The following PDE8B variants were observed in gnomAD, a reference collection of about 807,000 sequenced individuals.
The protein encoded by PDE8B is high affinity cAMP-specific and IBMX-insensitive 3',5'-cyclic phosphodiesterase 8B.
PDE8B carries 26 observed loss-of-function variants against 101.3 expected under a neutral mutation model. The ratio of observed to expected loss-of-function variants is 0.26; its 90% CI spans 0.19 to 0.36. The LOEUF (loss-of-function observed/expected upper bound fraction) is 0.36. Ranked by LOEUF, PDE8B falls within the 10% of genes least tolerant of loss-of-function variation. PDE8B has a pLI of 1.00. For synonymous variants in PDE8B, 424 were observed against 429.3 expected, an observed-to-expected ratio of 0.99 and a Z score of 0.15; for missense variants, 810 against 1,163.1, an observed-to-expected ratio of 0.70 and a Z score of 4.42.
intron 10 of PDE8B, among the ~76,000 whole-genome samples, chr5:77,398,979 G>A (rs74634764): frequency 1.3e-5 from 2 of 152,152 alleles, no homozygotes; most frequent in Admixed American, 6.5e-5. Context: ...GATGAATCCC[G>A]TTCCTCGGAA....
rs550614387 is a variant in PDE8B at position 77,407,714 on chromosome 5, A to G, written c.1365+257A>G. Among the ~76,000 whole-genome samples, 5 of 152,314 alleles carry G rather than the reference A, an allele frequency of 3.3e-5. No homozygotes were observed. The East Asian group carries it at 7.7e-4, about 24-fold the overall frequency. ...AGAGAGGGTGGTCAGGGAAACTCTC[A>G]GTCATGTTTGAAGCAAGTCTTGAAG... is the stretch of plus-strand genomic sequence containing the variant. On this transcript the variant is annotated intron_variant, in intron 13 of 21. Transcript: ENST00000264917.
chr5:77,150,106 G>A, the PDE8B span, among the ~76,000 whole-genome samples: 1 of 152,276 alleles, frequency 6.6e-6, no homozygotes. Flanking sequence ...TAGCTGTGGT[G>A]AACTTTGCCT....
chr5:77,323,357 C>G (rs1775437903), intron 2 of PDE8B, among the ~76,000 whole-genome samples: 1 of 152,038 alleles, frequency 6.6e-6, no homozygotes, highest in Admixed American at 6.6e-5. Context: ...CCAGGGTGCT[C>G]CTAACAAATG....
Position 77,301,921 on chromosome 5 carries a change from C to T in PDE8B, c.340-10073C>T, listed in dbSNP as rs1770038753. 2.0e-5 allele frequency among the ~76,000 whole-genome samples: 3 copies of T among 152,260 alleles called. No homozygotes were observed. In the East Asian group the frequency reaches 5.8e-4, roughly 29 times the overall value. On this transcript the variant is annotated intron_variant, in intron 1 of 21. Transcript: ENST00000264917. ...TGTTTTGTTTTGTTTTGTTTTCCTC[C>T]TCTGAAGTTAAATCTCTCTAAGGCT...
At chr5:77,115,736 A>G in the PDE8B span, among the ~76,000 whole-genome samples, 1 of 152,244 alleles carries the variant, frequency 6.6e-6, no homozygotes, top group Non-Finnish European at 1.5e-5. Context: ...AGTGACAGCC[A>G]CGAGTCGGCC....
intron 10 of PDE8B, among the ~76,000 whole-genome samples, chr5:77,361,515 A>AC (rs1484926212): frequency 4.2e-5 from 6 of 141,970 alleles, no homozygotes; most frequent in Admixed American, 1.5e-4. Context: ...CTTTCATCTT[A>AC]CTTTTTTTTT....
Position 77,210,687 on chromosome 5 carries a change from C to T in PDE8B, c.-239C>T. 1.0e-6 allele frequency: 1 copy of T among 980,146 alleles called. No individual in the cohort carries two copies. The highest frequency in any genetic ancestry group is 1.2e-6 in the Non-Finnish European group (1 of 827,466). 60.7% of individuals were successfully genotyped at this position (980,146 alleles called of 1,614,324 possible). A position where few individuals can be genotyped will look rare whatever the true frequency, so the allele number is the denominator to read the frequency against. Reference sequence around the variant, plus strand: ...TGGTGCGCGCGGGGCGCTGTGTATGCGCGCTCCCCCGCTCGGGGAGGAAGA... The same window carrying T: ...TGGTGCGCGCGGGGCGCTGTGTATGTGCGCTCCCCCGCTCGGGGAGGAAGA... On this transcript the variant is annotated 5_prime_UTR_variant, in exon 1 of 22. Coordinates refer to ENST00000264917, the MANE Select transcript of PDE8B (RefSeq NM_003719.5). The surrounding 1 kb of genome is among the most constrained non-coding windows in gnomAD (Gnocchi z 4.9).
chr5:77,299,911 G>T (rs888446842), intron 1 of PDE8B, among the ~76,000 whole-genome samples: 1 of 152,208 alleles, frequency 6.6e-6, no homozygotes, highest in Admixed American at 6.5e-5. Context: ...TGGAACATGA[G>T]AGTTGTAACT....
At chr5:77,088,264 G>A in the PDE8B span, 1 of 152,342 alleles carries the variant, frequency 6.6e-6, no homozygotes, top group African/African-American at 2.4e-5. Context: ...CAGTGTCCAG[G>A]GGCAGGATCC....
chr5:77,259,082 C>A (rs1420307839), intron 1 of PDE8B, among the ~76,000 whole-genome samples: 2 of 87,408 alleles, frequency 2.3e-5, no homozygotes, highest in African/African-American at 9.3e-5. Flanking sequence ...CCGCCCCCCC[C>A]CCACACACAC....
the PDE8B span, among the ~76,000 whole-genome samples, chr5:77,106,891 ATTAT>A: frequency 6.6e-6 from 1 of 151,758 alleles, no homozygotes; most frequent in Admixed American, 6.6e-5. Context: ...ATTTTATTTT[ATTAT>A]TTATTTATTT....
the PDE8B span, among the ~76,000 whole-genome samples, chr5:77,180,832 C>T: frequency 6.6e-6 from 1 of 152,224 alleles, no homozygotes; most frequent in Non-Finnish European, 1.5e-5. Context: ...GCTGCTGTTG[C>T]GCCTGGTGTT....
the PDE8B span, among the ~76,000 whole-genome samples, chr5:77,183,764 A>G: frequency 6.6e-6 from 1 of 152,190 alleles, no homozygotes; most frequent in Non-Finnish European, 1.5e-5. Flanking sequence ...CAGATGGGTA[A>G]ACCGTAATTT....
intron 1 of PDE8B, among the ~76,000 whole-genome samples, chr5:77,274,825 G>A (rs538707352): frequency 2.6e-5 from 4 of 152,212 alleles, no homozygotes; most frequent in South Asian, 2.1e-4. Flanking sequence ...CTGAGAGCCC[G>A]AGAGGAGACT....
At chr5:77,148,941 T>C in the PDE8B span, among the ~76,000 whole-genome samples, 3,037 of 152,306 alleles carry the variant, frequency 0.02, 46 homozygotes, top group Non-Finnish European at 0.032. Flanking sequence ...ATCTAAGAAC[T>C]CTTTACCCAA....
chr5:77,159,089 G>C, the PDE8B span, among the ~76,000 whole-genome samples: 2 of 152,170 alleles, frequency 1.3e-5, no homozygotes, highest in Admixed American at 1.3e-4. Flanking sequence ...AATGGGACTT[G>C]ATTGACTATG....
At chr5:77,187,901 G>C in the PDE8B span, among the ~76,000 whole-genome samples, 3 of 152,100 alleles carry the variant, frequency 2.0e-5, no homozygotes, top group Non-Finnish European at 4.4e-5. Context: ...ACTTATGAAG[G>C]GTGTTACTAA....
At chr5:77,280,962 C>T (rs990184683) in intron 1 of PDE8B, among the ~76,000 whole-genome samples, 7 of 152,190 alleles carry the variant, frequency 4.6e-5, no homozygotes, top group Non-Finnish European at 7.4e-5. Context: ...CACAGACTGC[C>T]GGCCCAGAGC....
In PDE8B at chr5:77,272,334, T is replaced by C. The variant is rs146396214; in HGVS notation, c.340-39660T>C. On this transcript the variant is annotated intron_variant, in intron 1 of 21. Coordinates refer to ENST00000264917, the MANE Select transcript of PDE8B (RefSeq NM_003719.5). ...GAGAGAACAGCCAAGTAACCTTGGTTGACTCTGGTTGTTCTAATATTCTTA... is the reference window on the plus strand; with the variant it reads ...GAGAGAACAGCCAAGTAACCTTGGTCGACTCTGGTTGTTCTAATATTCTTA... Among the ~76,000 whole-genome samples the C allele has an allele frequency of 2.3e-3, 349 of 152,334 alleles. 3 individuals carry two copies. Among genetic ancestry groups the C allele is most frequent in the African/African-American group, 8.1e-3 (335 of 41,584 alleles).
Sources: gnomAD v4.1 joint callset for allele counts (sites outside exome capture counted in the v4.1 genomes callset) on GRCh38, gnomAD v4.1.1 for gene constraint, Gnocchi (gnomAD v3.1) non-coding constraint, MANE v1.5 for transcripts, NCBI Gene and HGNC (gene_info 2026-07-23, HGNC 2026-07-21) for gene names.